Variants in ATP9B observed in about 807,000 individuals in gnomAD.
The protein encoded by ATP9B is ATPase phospholipid transporting 9B.
ATP9B carries 110 observed loss-of-function variants against 146.1 expected under a neutral mutation model. The observed-to-expected ratio is 0.75, with a 90% CI of 0.65 to 0.88. ATP9B has a LOEUF of 0.88. Ranked by LOEUF, ATP9B falls within the 40% of genes least tolerant of loss-of-function variation. The pLI, the probability that ATP9B is intolerant of heterozygous loss-of-function variation, is 0.00. For synonymous variants in ATP9B, 604 were observed against 569.7 expected (o/e 1.06, Z -0.86); for missense variants, 1,499 against 1,496.4 (o/e 1.00, Z -0.03).
chr18:79,272,600 C>T (rs997825331), intron 12 of ATP9B, among the ~76,000 whole-genome samples: 3 of 152,052 alleles, frequency 2.0e-5, no homozygotes, highest in African/African-American at 4.8e-5. Flanking sequence ...CTGAATCCTG[C>T]ACGGATACGC....
At chr18:79,363,573 G>A (rs1452089181) in intron 26 of ATP9B, 1 of 152,298 alleles carries the variant, frequency 6.6e-6, no homozygotes, top group African/African-American at 2.4e-5. Context: ...CATATTCCTG[G>A]ATTGAGAGGC....
chr18:79,094,452 C>T (rs1207795869), intron 1 of ATP9B, among the ~76,000 whole-genome samples: 1 of 152,152 alleles, frequency 6.6e-6, no homozygotes, highest in African/African-American at 2.4e-5. Flanking sequence ...CTGACTGGGA[C>T]AGTTCTCAGG....
At chr18:79,184,286 G>A (rs548209174) in intron 8 of ATP9B, among the ~76,000 whole-genome samples, 1 of 152,232 alleles carries the variant, frequency 6.6e-6, no homozygotes, top group East Asian at 1.9e-4. Flanking sequence ...CCTAGCAGAG[G>A]GAAGTTGAAT....
At chr18:79,329,989 T>A (rs1448254460) in intron 16 of ATP9B, 23 bp from the exon 17 acceptor site, 2 of 1,610,308 alleles carry the variant, frequency 1.2e-6, no homozygotes, top group Non-Finnish European at 1.7e-6. Context: ...AATGTGCCTC[T>A]GTTTATTTTT....
chr18:79,375,615 T>C (rs1183312866), intron 29 of ATP9B, 189 bp downstream of exon 29: 2 of 985,358 alleles, frequency 2.0e-6, no homozygotes, highest in Non-Finnish European at 2.4e-6. Context: ...TTGGCTTGCC[T>C]GTTCAGGGGC....
intron 11 of ATP9B, among the ~76,000 whole-genome samples, chr18:79,238,852 G>A (rs1181887986): frequency 5.9e-5 from 9 of 152,220 alleles, no homozygotes; most frequent in South Asian, 4.1e-4. Context: ...GCAGTGACGC[G>A]GACGCAGTGA....
intron 11 of ATP9B, among the ~76,000 whole-genome samples, chr18:79,229,081 T>A (rs923663407): frequency 6.6e-6 from 1 of 152,234 alleles, no homozygotes; most frequent in Non-Finnish European, 1.5e-5. Context: ...TTCACACTTA[T>A]GACTTCTAAG....
At chr18:79,240,447 G>A (rs1295123760) in intron 11 of ATP9B, among the ~76,000 whole-genome samples, 1 of 152,232 alleles carries the variant, frequency 6.6e-6, no homozygotes, top group Non-Finnish European at 1.5e-5. Flanking sequence ...GGAAGTTTGA[G>A]TAGTTAATGG....
chr18:79,284,405 G>T (rs186650113), intron 13 of ATP9B, among the ~76,000 whole-genome samples: 1 of 152,156 alleles, frequency 6.6e-6, no homozygotes, highest in Non-Finnish European at 1.5e-5. Context: ...GATGCATACC[G>T]TCCTGAGAAT....
chr18:79,348,039 T>C, intron 24 of ATP9B, 93 bp from the exon 25 acceptor site: 1 of 1,600,760 alleles, frequency 6.2e-7, no homozygotes, highest in Non-Finnish European at 8.5e-7. Context: ...GTACCTGGGC[T>C]GTGCTTAGGA....
chr18:79,320,699 A>G (rs1421688500), intron 15 of ATP9B, among the ~76,000 whole-genome samples: 1 of 151,226 alleles, frequency 6.6e-6, no homozygotes, highest in African/African-American at 2.4e-5. Flanking sequence ...CAGAACTCCC[A>G]CCCCCCTCCA....
chr18:79,221,239 C>T (rs995350356), intron 11 of ATP9B, among the ~76,000 whole-genome samples: 9 of 152,148 alleles, frequency 5.9e-5, no homozygotes, highest in East Asian at 1.9e-4. Flanking sequence ...CCTCCACCAC[C>T]GACTACCCCC....
intron 11 of ATP9B, among the ~76,000 whole-genome samples, chr18:79,227,156 A>G (rs886853073): frequency 2.0e-5 from 3 of 151,974 alleles, no homozygotes; most frequent in Admixed American, 1.3e-4. Context: ...CTGTCGTACT[A>G]TCATGAACCC....
intron 16 of ATP9B, 67 bp downstream of exon 16, chr18:79,329,369 G>C (rs1223848214): frequency 1.4e-6 from 2 of 1,423,142 alleles, no homozygotes. Flanking sequence ...TTTAAACACA[G>C]ATTTTCCCAA....
intron 5 of ATP9B, among the ~76,000 whole-genome samples, chr18:79,126,969 A>G (rs72990474): frequency 7.9e-5 from 12 of 152,322 alleles, no homozygotes; most frequent in Non-Finnish European, 1.8e-4. Flanking sequence ...AGTGGGGGAA[A>G]CGATGACAAG....
At chr18:79,272,968 AG>A (rs1599475909) in intron 12 of ATP9B, among the ~76,000 whole-genome samples, 1 of 152,176 alleles carries the variant, frequency 6.6e-6, no homozygotes, top group East Asian at 1.9e-4. Flanking sequence ...GGAACTTAGG[AG>A]GTTGAACTGG....
intron 7 of ATP9B, among the ~76,000 whole-genome samples, chr18:79,155,699 AACAAC>A (rs2094765068): frequency 1.3e-5 from 2 of 151,764 alleles, no homozygotes; most frequent in Admixed American, 6.6e-5. Flanking sequence ...TGTATTTATA[AACAAC>A]ATACTTTTAG....
chr18:79,135,695 C>G (rs919848457), intron 5 of ATP9B, among the ~76,000 whole-genome samples: 3 of 152,164 alleles, frequency 2.0e-5, no homozygotes, highest in African/African-American at 7.2e-5. Flanking sequence ...TTTTGTTGTT[C>G]TAAGAACTCT....
At chr18:79,139,776 T>C (rs574660754) in intron 5 of ATP9B, among the ~76,000 whole-genome samples, 52 of 152,316 alleles carry the variant, frequency 3.4e-4, no homozygotes, top group African/African-American at 1.2e-3. Flanking sequence ...ATTCATTCTT[T>C]CTATTTTTCA....
Sources: gnomAD v4.1 joint callset for allele counts (sites outside exome capture counted in the v4.1 genomes callset) on GRCh38, gnomAD v4.1.1 for gene constraint, MANE v1.5 for transcripts, NCBI Gene and HGNC (gene_info 2026-07-23, HGNC 2026-07-21) for gene names.